DNAH11: variants seen among roughly 807,000 people sequenced by gnomAD.
The protein encoded by DNAH11 is dynein axonemal heavy chain 11.
In DNAH11, 442 loss-of-function variants were observed where a neutral mutation model predicts 526.0. The observed-to-expected ratio is 0.84, with a 90% CI of 0.78 to 0.91. DNAH11 has a LOEUF of 0.91. DNAH11 is among the 40% of genes least tolerant of loss of function. The probability of loss-of-function intolerance (pLI) is 0.00; values close to 1 mark genes in which losing one functional copy is unlikely to be tolerated. For missense variants in DNAH11, 6,989 were observed against 5,448.7 expected (o/e 1.28, Z -8.90); for synonymous variants, 2,461 against 1,935.9 (o/e 1.27, Z -7.12).
intron 74 of DNAH11, 98 bp from the exon 75 acceptor site, chr7:21,880,604 C>T (rs1340428051): frequency 3.1e-6 from 4 of 1,277,538 alleles, no homozygotes; most frequent in African/African-American, 3.0e-5. Flanking sequence ...TGTAGTATCT[C>T]ACTCTCAAAG....
At chr7:21,834,933 C>A (rs148626198) in intron 65 of DNAH11, among the ~76,000 whole-genome samples, 1 of 151,818 alleles carries the variant, frequency 6.6e-6, no homozygotes, top group Non-Finnish European at 1.5e-5. Flanking sequence ...AAATCAGAGA[C>A]GAAAAACAAA....
Position 21,679,847 on chromosome 7 carries a change from A to G in DNAH11, c.5329-1699A>G, listed in dbSNP as rs978845320. Among the ~76,000 whole-genome samples the G allele has an allele frequency of 2.0e-5, 3 of 152,120 alleles. No individual in the cohort carries two copies. The South Asian group carries it at 6.2e-4, about 32-fold the overall frequency. ...ATTTTCTCATCTGCAAAGTTCGGATACAGATTATCTTTCTTTTTTAAAAAA... is the reference window on the plus strand; with the variant it reads ...ATTTTCTCATCTGCAAAGTTCGGATGCAGATTATCTTTCTTTTTTAAAAAA... On this transcript the variant is annotated intron_variant, in intron 30 of 81. Coordinates refer to ENST00000409508, the MANE Select transcript of DNAH11 (RefSeq NM_001277115.2).
intron 25 of DNAH11, among the ~76,000 whole-genome samples, chr7:21,626,739 G>C (rs1176977226): frequency 7.7e-6 from 1 of 130,506 alleles, no homozygotes; most frequent in Non-Finnish European, 1.6e-5. Flanking sequence ...ATGGCCTTCT[G>C]TATGTCTTTT....
chr7:21,868,086 T>C, intron 72 of DNAH11, 79 bp downstream of exon 72: 1 of 1,172,374 alleles, frequency 8.5e-7, no homozygotes. Context: ...TCTTTTCAGT[T>C]CACAGTGATC....
chr7:21,735,109 G>A (rs1024459040), intron 45 of DNAH11, among the ~76,000 whole-genome samples: 16 of 152,152 alleles, frequency 1.1e-4, no homozygotes, highest in Admixed American at 4.6e-4. Flanking sequence ...AGTCGAGGCT[G>A]CAGTGAGCCA....
At chr7:21,703,133 T>C (rs78206350) in intron 37 of DNAH11, among the ~76,000 whole-genome samples, 3,852 of 152,272 alleles carry the variant, frequency 0.025, 76 homozygotes, top group Non-Finnish European at 0.036. Context: ...TGAATTGGGA[T>C]ATTAATCCTG....
Position 21,880,716 on chromosome 7 carries a change from A to AT in DNAH11, c.12211dup (p.Cys4071LeufsTer8), listed in dbSNP as rs774304164. ...TTTTTTCCCAGGATACACTTGAAATATGCTCCAAGGAGCAGGAGTTTAAAA... is the reference window on the plus strand; with the variant it reads ...TTTTTTCCCAGGATACACTTGAAATATTGCTCCAAGGAGCAGGAGTTTAAAA... On this transcript the variant is annotated frameshift_variant, in exon 75 of 82. Coordinates refer to ENST00000409508, the MANE Select transcript of DNAH11 (RefSeq NM_001277115.2). LOFTEE classifies it high-confidence loss of function. 2.5e-6 allele frequency: 4 copies of AT among 1,613,892 alleles called. No homozygotes were observed. The Admixed American group carries it at 6.7e-5, about 27-fold the overall frequency.
In DNAH11 at chr7:21,600,906, A is replaced by G. The variant is rs1785058934; in HGVS notation, c.3231A>G (p.Pro1077=). Residue 1077 remains proline (P), a synonymous_variant, in exon 16 of 82, where the codon CCA becomes CCG. Transcript: ENST00000409508. The stretch of plus-strand genomic sequence containing the variant: ...ATGAAGAAATTCCCGAACAACCACC[A>G]ACTCTTGAGCAATTCAAAGAACAGG... ...HANEEIPEQP[P]TLEQFKEQID... 20 of 1,613,964 alleles carry G rather than the reference A, an allele frequency of 1.2e-5. No homozygotes were observed. Among genetic ancestry groups the G allele is most frequent in the Non-Finnish European group, 1.6e-5 (19 of 1,179,854 alleles).
intron 81 of DNAH11, among the ~76,000 whole-genome samples, 182 bp downstream of exon 81, chr7:21,900,302 C>T (rs545092412): frequency 5.0e-5 from 6 of 119,490 alleles, no homozygotes; most frequent in Non-Finnish European, 6.1e-5. Context: ...GTGAACCAAA[C>T]TGTAATATTT....
At chr7:21,764,401 T>C (rs1787078718) in intron 54 of DNAH11, among the ~76,000 whole-genome samples, 1 of 152,132 alleles carries the variant, frequency 6.6e-6, no homozygotes, top group African/African-American at 2.4e-5. Context: ...GATCTCAAAG[T>C]GTTAGAGACT....
At chr7:21,662,731 G>A (rs532387358) in intron 30 of DNAH11, among the ~76,000 whole-genome samples, 6 of 152,110 alleles carry the variant, frequency 3.9e-5, no homozygotes, top group African/African-American at 9.6e-5. Flanking sequence ...GAAATTTTGT[G>A]TCCTTTGACT....
intron 56 of DNAH11, 67 bp from the exon 57 acceptor site, chr7:21,778,891 A>C (rs779669658): frequency 1.0e-4 from 158 of 1,546,600 alleles, no homozygotes; most frequent in Non-Finnish European, 1.4e-4. Context: ...CATTCCCAGC[A>C]ATAAGCTCTA....
intron 65 of DNAH11, among the ~76,000 whole-genome samples, chr7:21,821,272 ACAGAAGT>A (rs1190453079): frequency 2.0e-5 from 3 of 152,204 alleles, no homozygotes; most frequent in Non-Finnish European, 2.9e-5. Flanking sequence ...CATTTCTAAA[ACAGAAGT>A]CTAAAAAGCA....
intron 54 of DNAH11, among the ~76,000 whole-genome samples, chr7:21,757,882 C>T (rs1010513424): frequency 6.6e-6 from 1 of 152,212 alleles, no homozygotes; most frequent in African/African-American, 2.4e-5. Flanking sequence ...TGTGTAAAAG[C>T]TCAACTACTC....
At chr7:21,864,706 T>C (rs780146121) in intron 70 of DNAH11, 49 bp downstream of exon 70, 8 of 1,519,398 alleles carry the variant, frequency 5.3e-6, no homozygotes, top group Non-Finnish European at 7.1e-6. Context: ...TTTAAAATAT[T>C]AGCTCTCTCC....
intron 30 of DNAH11, among the ~76,000 whole-genome samples, chr7:21,668,775 TCTAAGG>T (rs1317954350): frequency 1.3e-5 from 2 of 152,214 alleles, no homozygotes; most frequent in Non-Finnish European, 2.9e-5. Context: ...GACTATTATT[TCTAAGG>T]CTGCTTTAAA....
chr7:21,854,194 T>C, intron 67 of DNAH11, 121 bp from the exon 68 acceptor site: 2 of 973,202 alleles, frequency 2.1e-6, no homozygotes, highest in Non-Finnish European at 3.0e-6. Context: ...ATGGATGCCA[T>C]GCATGTTATC....
chr7:21,865,311 A>G (rs1208266888), intron 70 of DNAH11, among the ~76,000 whole-genome samples: 1 of 152,148 alleles, frequency 6.6e-6, no homozygotes, highest in Non-Finnish European at 1.5e-5. Flanking sequence ...TCTTATTTTT[A>G]TATATGTTCA....
intron 66 of DNAH11, 45 bp from the exon 67 acceptor site, chr7:21,852,422 A>C: frequency 5.8e-6 from 9 of 1,555,188 alleles, no homozygotes; most frequent in Non-Finnish European, 7.8e-6. Context: ...AAAAAAAAAA[A>C]AGTACTTAAC....
Sources: allele counts gnomAD v4.1 joint callset (sites outside exome capture counted in the v4.1 genomes callset), GRCh38; gene constraint gnomAD v4.1.1; transcripts MANE v1.5; gene names NCBI Gene and HGNC (gene_info 2026-07-23, HGNC 2026-07-21).